The following NDST3 variants were observed in gnomAD, a reference collection of about 807,000 sequenced individuals.
NDST3 encodes the protein N-deacetylase and N-sulfotransferase 3.
NDST3 carries 58 observed loss-of-function variants against 96.1 expected under a neutral mutation model. That is an observed-to-expected ratio of 0.60 (90% CI 0.49 to 0.75). The LOEUF is 0.75. Among genes scored for constraint, NDST3 ranks in the 30% least tolerant of loss-of-function variants. The probability of loss-of-function intolerance (pLI) is 0.00; values close to 1 mark genes in which losing one functional copy is unlikely to be tolerated. For synonymous variants in NDST3, 333 were observed against 359.7 expected (o/e 0.93, Z 0.84); for missense variants, 788 against 1,034.2 (o/e 0.76, Z 3.27).
chr4:118,174,943 G>T (rs181405265), intron 6 of NDST3, among the ~76,000 whole-genome samples: 3 of 152,178 alleles, frequency 2.0e-5, no homozygotes, highest in East Asian at 3.9e-4. Flanking sequence ...TATGCTAAAA[G>T]CCATCCCTTC....
Position 118,233,132 on chromosome 4 carries a change from A to G in NDST3, c.1940A>G (p.Asp647Gly). ...AGAAATAACTACCACAGGGGGATTG[A>G]TTGGTAAGATGGGTTATTAGTATAA... The part of the protein sequence containing the change: ...FNRNNYHRGI[D>G]WYMDFFPVPS... The change falls in exon 9 of 14, where the codon GAT becomes GGT. Residue 647 changes from aspartate (D) to glycine (G), a missense_variant. Asp to Gly is a moderately conservative substitution (Grantham distance 94). Transcript: ENST00000296499. The G allele has an allele frequency of 6.2e-7, 1 of 1,611,470 alleles. No homozygotes were observed. Among genetic ancestry groups the G allele is most frequent in the Non-Finnish European group, 8.5e-7 (1 of 1,177,860 alleles).
chr4:118,144,459 C>T (rs1485859438), intron 6 of NDST3, among the ~76,000 whole-genome samples: 2 of 152,152 alleles, frequency 1.3e-5, no homozygotes, highest in Non-Finnish European at 2.9e-5. Flanking sequence ...GGATTACAGG[C>T]GTGAGCCACC....
chr4:118,092,689 A>G (rs1464124417), intron 2 of NDST3, among the ~76,000 whole-genome samples: 4 of 151,820 alleles, frequency 2.6e-5, no homozygotes, highest in Admixed American at 2.0e-4. Context: ...TATTCATTCA[A>G]TAAATATTTA....
At chr4:118,152,181 C>T (rs1734443098) in intron 6 of NDST3, among the ~76,000 whole-genome samples, 1 of 152,080 alleles carries the variant, frequency 6.6e-6, no homozygotes, top group Non-Finnish European at 1.5e-5. Context: ...ATAAGGAAAA[C>T]CTGTTTCCTG....
At chr4:118,142,558 A>G (rs1325710124) in intron 5 of NDST3, among the ~76,000 whole-genome samples, 2 of 152,146 alleles carry the variant, frequency 1.3e-5, no homozygotes, top group African/African-American at 4.8e-5. Flanking sequence ...ACTGAACCAA[A>G]TGTGCTTTAA....
chr4:118,165,433 C>T (rs1735485500), intron 6 of NDST3, among the ~76,000 whole-genome samples: 1 of 151,976 alleles, frequency 6.6e-6, no homozygotes, highest in Non-Finnish European at 1.5e-5. Flanking sequence ...GTGTAATAAT[C>T]ATTGAGATAA....
At chr4:118,136,553 T>C (rs1182435965) in intron 4 of NDST3, among the ~76,000 whole-genome samples, 1 of 152,130 alleles carries the variant, frequency 6.6e-6, no homozygotes, top group Non-Finnish European at 1.5e-5. Flanking sequence ...CTAAATATGA[T>C]GGTTATGTAG....
chr4:118,219,851 G>T (rs1739422214), intron 6 of NDST3, among the ~76,000 whole-genome samples: 1 of 152,050 alleles, frequency 6.6e-6, no homozygotes, highest in Admixed American at 6.6e-5. Context: ...AATTGGCAAA[G>T]GATATGAACA....
intron 2 of NDST3, among the ~76,000 whole-genome samples, chr4:118,090,788 A>G (rs1728799854): frequency 6.6e-6 from 1 of 151,904 alleles, no homozygotes; most frequent in Admixed American, 6.6e-5. Flanking sequence ...TCTCAGTATT[A>G]AAAGAGGCTT....
chr4:118,250,068 C>T (rs1741587129), intron 12 of NDST3, among the ~76,000 whole-genome samples: 1 of 152,094 alleles, frequency 6.6e-6, no homozygotes, highest in Admixed American at 6.6e-5. Context: ...TATATTACTC[C>T]ATTTTATGGA....
intron 6 of NDST3, among the ~76,000 whole-genome samples, chr4:118,215,727 A>C (rs568719089): frequency 6.6e-6 from 1 of 152,230 alleles, no homozygotes; most frequent in East Asian, 1.9e-4. Flanking sequence ...TGGGGGATAT[A>C]TTAGTCTTGA....
At chr4:118,085,465 C>G (rs1158256224) in intron 2 of NDST3, among the ~76,000 whole-genome samples, 1 of 152,146 alleles carries the variant, frequency 6.6e-6, no homozygotes, top group Non-Finnish European at 1.5e-5. Context: ...TATAATCACA[C>G]AGTTCCTGAA....
chr4:118,216,050 T>G (rs1228327362), intron 6 of NDST3, among the ~76,000 whole-genome samples: 1 of 152,202 alleles, frequency 6.6e-6, no homozygotes, highest in Non-Finnish European at 1.5e-5. Flanking sequence ...GAATAGCTCC[T>G]ATTGTGTGTT....
chr4:118,100,881 G>A (rs912978197), intron 2 of NDST3, among the ~76,000 whole-genome samples: 1 of 152,142 alleles, frequency 6.6e-6, no homozygotes, highest in African/African-American at 2.4e-5. Flanking sequence ...ATGAGTGCGT[G>A]TACACGCGTG....
At chr4:118,114,985 G>C in intron 4 of NDST3, 25 bp downstream of exon 4, 2 of 1,611,166 alleles carry the variant, frequency 1.2e-6, no homozygotes, top group South Asian at 1.1e-5. Flanking sequence ...TTGTTGCATT[G>C]AAGTAGTGTA....
At chr4:118,166,731 G>C (rs987487852) in intron 6 of NDST3, among the ~76,000 whole-genome samples, 3 of 151,892 alleles carry the variant, frequency 2.0e-5, no homozygotes, top group African/African-American at 7.2e-5. Context: ...TGGGATGCAA[G>C]GATGTTTCCA....
chr4:118,232,206 T>C (rs899181022), intron 8 of NDST3, among the ~76,000 whole-genome samples: 2 of 152,216 alleles, frequency 1.3e-5, no homozygotes, highest in Non-Finnish European at 2.9e-5. Context: ...ATTTTGGTAA[T>C]GTAATATGTT....
intron 6 of NDST3, 92 bp downstream of exon 6, chr4:118,143,776 G>C: frequency 7.4e-7 from 1 of 1,359,292 alleles, no homozygotes. Flanking sequence ...GCAGTCATCA[G>C]CCAAGCCAAT....
chr4:118,110,666 T>C (rs1190842315), intron 3 of NDST3, among the ~76,000 whole-genome samples: 2 of 152,140 alleles, frequency 1.3e-5, no homozygotes, highest in Non-Finnish European at 2.9e-5. Flanking sequence ...AAATAAATTA[T>C]AGTTTGCAAT....
Sources: allele counts gnomAD v4.1 joint callset (sites outside exome capture counted in the v4.1 genomes callset), GRCh38; gene constraint gnomAD v4.1.1; transcripts MANE v1.5; gene names NCBI Gene and HGNC (gene_info 2026-07-23, HGNC 2026-07-21).